The following TNS3 variants were observed in gnomAD, a reference collection of about 807,000 sequenced individuals.
The protein encoded by TNS3 is tensin-3.
In TNS3, 45 loss-of-function variants were observed where a neutral mutation model predicts 140.9. That is an observed-to-expected ratio of 0.32 (90% CI 0.25 to 0.41). The LOEUF is 0.41. Among genes scored for constraint, TNS3 ranks in the 10% least tolerant of loss-of-function variants. The pLI is 1.00. For synonymous variants in TNS3, 815 were observed against 788.4 expected (o/e 1.03, Z -0.56); for missense variants, 1,716 against 1,906.7 (o/e 0.90, Z 1.86).
At chr7:47,572,408 G>C (rs1008377253) in intron 1 of TNS3, among the ~76,000 whole-genome samples, 1 of 152,226 alleles carries the variant, frequency 6.6e-6, no homozygotes, top group Admixed American at 6.5e-5. Context: ...ATGAATGATC[G>C]TGTGTTCTGT....
At position 47,449,903 on chromosome 7, in the gene TNS3, G is replaced by A. The variant is rs116578443; in HGVS notation, c.-75-7848C>T. Among the ~76,000 whole-genome samples, 534 of 152,352 alleles carry A rather than the reference G, an allele frequency of 3.5e-3. 3 individuals are homozygous for A. Among genetic ancestry groups the A allele is most frequent in the African/African-American group, 0.012 (507 of 41,582 alleles). On this transcript the variant is annotated intron_variant, in intron 4 of 30. Coordinates refer to ENST00000311160, the MANE Select transcript of TNS3 (RefSeq NM_022748.12). ...TTACAGGCGTGAGCCACCACGCCCA[G>A]CCCTGGTCTACTTTACTGTGCCGAC... is the stretch of plus-strand genomic sequence containing the variant.
intron 20 of TNS3, among the ~76,000 whole-genome samples, chr7:47,338,411 A>T (rs1788755278): frequency 6.6e-6 from 1 of 152,224 alleles, no homozygotes; most frequent in Non-Finnish European, 1.5e-5. Context: ...ATTTAAATTT[A>T]TATTTTGCTA....
In TNS3 at chr7:47,413,996, C is replaced by T; in HGVS notation, c.588G>A (p.Val196=). ...HGTPNFDTGG[V]CRPFLKLYQA... ...GGTAGAGCTTCAGAAAGGGCCGGCA[C>T]ACTGAAAGAAAGGCACAACTGTCTG... The change falls in exon 12 of 31, where the codon GTG becomes GTA. Residue 196 remains valine, a splice_region_variant and synonymous_variant. Coordinates refer to ENST00000311160, the MANE Select transcript of TNS3 (RefSeq NM_022748.12). The T allele has an allele frequency of 6.2e-7, 1 of 1,613,710 alleles. No individual in the cohort carries two copies. Among genetic ancestry groups the T allele is most frequent in the Non-Finnish European group, 8.5e-7 (1 of 1,179,918 alleles).
intron 3 of TNS3, among the ~76,000 whole-genome samples, chr7:47,493,881 A>G (rs1427193469): frequency 1.3e-5 from 2 of 152,048 alleles, no homozygotes; most frequent in Non-Finnish European, 2.9e-5. Flanking sequence ...CTAAGAGCTC[A>G]CAACTTATCA....
At chr7:47,283,522 GT>G (rs1455833152) in intron 28 of TNS3, among the ~76,000 whole-genome samples, 174 bp downstream of exon 28, 3 of 152,308 alleles carry the variant, frequency 2.0e-5, no homozygotes, top group African/African-American at 7.2e-5. Flanking sequence ...GAGTTCCTAT[GT>G]GGTTCCCAGG....
intron 16 of TNS3, among the ~76,000 whole-genome samples, chr7:47,376,152 G>T (rs770223199): frequency 1.3e-5 from 2 of 152,196 alleles, no homozygotes; most frequent in Non-Finnish European, 2.9e-5. Flanking sequence ...GCAATACTCA[G>T]CCCAGTCCTG....
intron 3 of TNS3, among the ~76,000 whole-genome samples, chr7:47,482,822 T>C (rs932890212): frequency 2.0e-5 from 3 of 152,190 alleles, no homozygotes; most frequent in Non-Finnish European, 2.9e-5. Context: ...GAAGCCACTC[T>C]GAAAAGGCCA....
intron 5 of TNS3, among the ~76,000 whole-genome samples, chr7:47,440,865 CTT>C (rs1562745884): frequency 6.6e-6 from 1 of 152,166 alleles, no homozygotes; most frequent in Non-Finnish European, 1.5e-5. Flanking sequence ...GTGTTTCTCT[CTT>C]TCTTTTAATT....
intron 27 of TNS3, 97 bp downstream of exon 27, chr7:47,291,858 A>C: frequency 7.5e-7 from 1 of 1,332,436 alleles, no homozygotes. Context: ...ACAGAAAAGA[A>C]AGGAAACCTG....
Position 47,389,091 on chromosome 7 carries a change from A to T in TNS3, c.1024+7709T>A, listed in dbSNP as rs1364628210. Among the ~76,000 whole-genome samples the T allele has an allele frequency of 2.7e-3, 200 of 74,988 alleles. 28 individuals are homozygous for T. The East Asian group carries it at 0.037, about 14-fold the overall frequency. The allele number at this position is 74,988 out of a possible 152,430, so 49.2% of individuals were successfully genotyped here. A position where few individuals can be genotyped will look rare whatever the true frequency, so the allele number is the denominator to read the frequency against. ...GAAGAAGAAGAAGAAGAAGAGGAAG[A>T]GGAAGAGGAAGCGGAAGCAGAAGAA... On this transcript the variant is annotated intron_variant, in intron 16 of 30. Coordinates refer to ENST00000311160, the MANE Select transcript of TNS3 (RefSeq NM_022748.12).
intron 1 of TNS3, among the ~76,000 whole-genome samples, chr7:47,542,846 T>C (rs995355292): frequency 6.7e-6 from 1 of 149,156 alleles, no homozygotes; most frequent in Admixed American, 6.8e-5. Flanking sequence ...AGGAGAATCA[T>C]GTGAATCCAG....
At chr7:47,537,506 G>C (rs567501382) in intron 1 of TNS3, among the ~76,000 whole-genome samples, 1 of 152,076 alleles carries the variant, frequency 6.6e-6, no homozygotes, top group African/African-American at 2.4e-5. Flanking sequence ...TTCCAGGCGG[G>C]GGGAGCAGGA....
intron 20 of TNS3, among the ~76,000 whole-genome samples, chr7:47,332,912 G>A (rs1434393969): frequency 6.6e-6 from 1 of 152,190 alleles, no homozygotes; most frequent in Non-Finnish European, 1.5e-5. Flanking sequence ...CATGCTGAGG[G>A]TCAAGAACAG....
In TNS3 at chr7:47,524,808, CAAGAAAAAAAAAAAAA is replaced by C. The variant is rs1243071722; in HGVS notation, c.-153+4212_-153+4227del. 1.2e-3 allele frequency among the ~76,000 whole-genome samples: 31 copies of C among 25,260 alleles called. 2 individuals are homozygous for C. The Admixed American group carries it at 0.017, about 14-fold the overall frequency. 16.6% of individuals were successfully genotyped at this position (25,260 alleles called of 152,430 possible). A position where few individuals can be genotyped will look rare whatever the true frequency, so the allele number is the denominator to read the frequency against. ...TGGGCGACAGAGCGAGACTCCGTCT[CAAGAAAAAAAAAAAAA>C]AAAAAAAAAAAAGGCAATGGGAGCA... On this transcript the variant is annotated intron_variant, in intron 2 of 30. Coordinates refer to ENST00000311160, the MANE Select transcript of TNS3 (RefSeq NM_022748.12).
At chr7:47,491,655 T>C (rs1192066104) in intron 3 of TNS3, among the ~76,000 whole-genome samples, 1 of 152,152 alleles carries the variant, frequency 6.6e-6, no homozygotes, top group Admixed American at 6.5e-5. Context: ...GACTAGGCAT[T>C]TCCTGGACAA....
intron 25 of TNS3, 124 bp from the exon 26 acceptor site, chr7:47,293,029 A>G (rs1785799271): frequency 2.7e-6 from 2 of 738,590 alleles, no homozygotes; most frequent in African/African-American, 3.5e-5. Flanking sequence ...AGCAACTGGT[A>G]TGTTAGATTA....
chr7:47,430,807 A>G (rs1215000301), intron 8 of TNS3, among the ~76,000 whole-genome samples: 1 of 151,044 alleles, frequency 6.6e-6, no homozygotes. Flanking sequence ...TACAACCTCC[A>G]CCGCCTGGGT....
intron 4 of TNS3, among the ~76,000 whole-genome samples, chr7:47,473,995 G>A (rs1184365741): frequency 1.3e-5 from 2 of 152,048 alleles, no homozygotes; most frequent in Admixed American, 6.5e-5. Context: ...ATGGCAGCAC[G>A]TGACCTGCAA....
intron 4 of TNS3, among the ~76,000 whole-genome samples, chr7:47,461,223 C>T (rs1796478125): frequency 6.6e-6 from 1 of 152,168 alleles, no homozygotes; most frequent in Non-Finnish European, 1.5e-5. Context: ...CTGAGCAAAG[C>T]CACATTCATG....
Sources: allele counts gnomAD v4.1 joint callset (sites outside exome capture counted in the v4.1 genomes callset), GRCh38; gene constraint gnomAD v4.1.1; transcripts MANE v1.5; gene names NCBI Gene and HGNC (gene_info 2026-07-23, HGNC 2026-07-21).